MAN2B2: variants seen among roughly 807,000 people sequenced by gnomAD.
MAN2B2 encodes epididymis-specific alpha-mannosidase.
A neutral mutation model predicts 117.1 loss-of-function variants in MAN2B2; 106 were observed. That is an observed-to-expected ratio of 0.90 (90% CI 0.77 to 1.06). The LOEUF is 1.06. Ranked by LOEUF, MAN2B2 falls within the 50% of genes least tolerant of loss-of-function variation. The probability of loss-of-function intolerance (pLI) is 0.00; values close to 1 mark genes in which losing one functional copy is unlikely to be tolerated. For synonymous variants in MAN2B2, 544 were observed against 595.1 expected, an observed-to-expected ratio of 0.91 and a Z score of 1.25; for missense variants, 1,326 against 1,381.4, an observed-to-expected ratio of 0.96 and a Z score of 0.64.
chr4:6,603,128 CTTA>C (rs1560653587), intron 10 of MAN2B2, among the ~76,000 whole-genome samples: 1 of 152,182 alleles, frequency 6.6e-6, no homozygotes, highest in Non-Finnish European at 1.5e-5. Flanking sequence ...CTTCAGGAAT[CTTA>C]AAGGGGTGCT....
chr4:6,594,432 G>A, intron 6 of MAN2B2, 102 bp from the exon 7 acceptor site: 1 of 1,231,430 alleles, frequency 8.1e-7, no homozygotes, highest in African/African-American at 1.5e-5. Flanking sequence ...TGGCCGCCTT[G>A]GAGACTGGGA....
chr4:6,601,564 A>G (rs74284774), intron 10 of MAN2B2, among the ~76,000 whole-genome samples: 2 of 151,202 alleles, frequency 1.3e-5, no homozygotes, highest in African/African-American at 2.4e-5. Flanking sequence ...GGTGAGGTGG[A>G]AGCAGGGAGG....
intron 17 of MAN2B2, chr4:6,619,687 G>A: frequency 2.3e-6 from 1 of 436,424 alleles, no homozygotes; most frequent in Non-Finnish European, 4.2e-6. Context: ...CTCCAGCTCG[G>A]CCACCTGGTA....
intron 3 of MAN2B2, among the ~76,000 whole-genome samples, chr4:6,579,213 C>G (rs1373733671): frequency 1.3e-5 from 1 of 78,780 alleles, no homozygotes; most frequent in Non-Finnish European, 2.8e-5. Flanking sequence ...ATCACCATCA[C>G]CACCACCACC....
rs1177507322 is a variant in MAN2B2 at position 6,605,284 on chromosome 4, T to G, written c.1769T>G (p.Val590Gly). 6 of 1,613,892 alleles carry G rather than the reference T, an allele frequency of 3.7e-6. No individual in the cohort carries two copies. Among genetic ancestry groups the G allele is most frequent in the South Asian group, 3.3e-5 (3 of 91,082 alleles). ...LVPVANDCYIVLLDQDTNLMH... is the reference protein window; with the variant it reads ...LVPVANDCYIGLLDQDTNLMH... Reference sequence around the variant, plus strand: ...CCTGTGGCAAACGACTGCTACATTGTGCTGCTCGACCAGGATACCAACCTG... The same window carrying G: ...CCTGTGGCAAACGACTGCTACATTGGGCTGCTCGACCAGGATACCAACCTG... The change falls in exon 11 of 19, where the codon GTG (valine) becomes GGG (glycine). Residue 590 changes from valine (V) to glycine (G), a missense_variant. By Grantham distance (109) the Val-to-Gly change is moderately radical. Transcript: ENST00000285599.
intron 5 of MAN2B2, among the ~76,000 whole-genome samples, chr4:6,591,536 T>C (rs1577279428): frequency 6.6e-6 from 1 of 150,530 alleles, no homozygotes; most frequent in South Asian, 2.1e-4. Flanking sequence ...GGCAGGGAGG[T>C]GGAAACTGTT....
intron 10 of MAN2B2, among the ~76,000 whole-genome samples, chr4:6,604,457 A>G (rs932580011): frequency 4.1e-5 from 1 of 24,468 alleles, no homozygotes; most frequent in Non-Finnish European, 7.8e-5. Flanking sequence ...GAGTGGCTGG[A>G]GGATGGGGGA....
At chr4:6,608,892 TCTC>T (rs1485023410) in intron 11 of MAN2B2, among the ~76,000 whole-genome samples, 2 of 152,152 alleles carry the variant, frequency 1.3e-5, no homozygotes, top group Non-Finnish European at 2.9e-5. Context: ...GCTCTGTCCG[TCTC>T]CTCGTTTGTG....
intron 3 of MAN2B2, 85 bp downstream of exon 3, chr4:6,578,583 C>A: frequency 8.9e-7 from 1 of 1,122,408 alleles, no homozygotes; most frequent in East Asian, 2.6e-5. Flanking sequence ...AGGTTCTGAG[C>A]TCTGTCTGCC....
chr4:6,585,493 C>T (rs1185452177), intron 3 of MAN2B2, among the ~76,000 whole-genome samples: 1 of 152,150 alleles, frequency 6.6e-6, no homozygotes, highest in Non-Finnish European at 1.5e-5. Context: ...CAGCACTGAA[C>T]CCAATATCTG....
chr4:6,589,267 CTTCT>C, intron 5 of MAN2B2, 107 bp downstream of exon 5: 1 of 850,666 alleles, frequency 1.2e-6, no homozygotes, highest in Non-Finnish European at 1.9e-6. Context: ...AAGACAAGAG[CTTCT>C]GCTCTGTTGC....
chr4:6,579,135 CCACCATCACCACCACCAT>C (rs1560634507), intron 3 of MAN2B2, among the ~76,000 whole-genome samples: 15 of 45,904 alleles, frequency 3.3e-4, no homozygotes, highest in African/African-American at 1.1e-3. Flanking sequence ...ACCACCACCA[CCACCATCACCACCACCAT>C]CACCATCACC....
intron 4 of MAN2B2, among the ~76,000 whole-genome samples, chr4:6,588,320 C>T (rs1289149163): frequency 6.6e-6 from 1 of 152,190 alleles, no homozygotes; most frequent in African/African-American, 2.4e-5. Flanking sequence ...GTATCATCTT[C>T]CCTGGGTGCA....
rs774818156 is a variant in MAN2B2 at position 6,611,086 on chromosome 4, G to A, written c.2371G>A (p.Val791Ile). The A allele has an allele frequency of 5.6e-6, 9 of 1,612,958 alleles. No individual in the cohort carries two copies. In the African/African-American group the frequency reaches 8.0e-5, roughly 14 times the overall value. Residue 791 changes from valine to isoleucine, a missense_variant and splice_region_variant, in exon 15 of 19, where the codon GTC (valine) becomes ATC (isoleucine). Val to Ile is a conservative substitution (Grantham distance 29, BLOSUM62 3). Transcript: ENST00000285599. ...ISSQGNGQVEVMLHRRLWNNF... is the reference protein window; with the variant it reads ...ISSQGNGQVEIMLHRRLWNNF... ...CCTCTCGGACAATGCCTTCCCGCAGGTCATGCTCCACCGGCGGCTGTGGAA... is the reference window on the plus strand; with the variant it reads ...CCTCTCGGACAATGCCTTCCCGCAGATCATGCTCCACCGGCGGCTGTGGAA...
Position 6,609,874 on chromosome 4 carries a change from C to T in MAN2B2, c.2083C>T (p.Leu695=), listed in dbSNP as rs1432746603. The change falls in exon 13 of 19, where the codon CTG becomes TTG. Residue 695 remains leucine, a synonymous_variant. Coordinates refer to ENST00000285599, the MANE Select transcript of MAN2B2 (RefSeq NM_015274.3). ...TGTGCCGCAGGGCCATGACGGGGAG[C>T]TGCTCTGCCACCGGATAGAGCAGGA... The part of the protein sequence containing the change: ...THVPQGHDGE[L]LCHRIEQEYQ... 1 of 1,614,036 alleles carries T rather than the reference C, an allele frequency of 6.2e-7. No homozygotes were observed. The highest frequency in any genetic ancestry group is 2.2e-5 in the East Asian group (1 of 44,896).
intron 6 of MAN2B2, 149 bp downstream of exon 6, chr4:6,593,499 CT>C: frequency 1.3e-6 from 1 of 768,728 alleles, no homozygotes; most frequent in Non-Finnish European, 1.9e-6. Context: ...CTGCAGACCC[CT>C]GGGCCTCTCC....
At chr4:6,577,796 A>T (rs1452137617) in intron 2 of MAN2B2, among the ~76,000 whole-genome samples, 1 of 152,236 alleles carries the variant, frequency 6.6e-6, no homozygotes, top group East Asian at 1.9e-4. Context: ...TGGACAGGAA[A>T]CTTGTGGCAG....
At chr4:6,593,562 C>G (rs560317732) in intron 6 of MAN2B2, among the ~76,000 whole-genome samples, 2 of 152,238 alleles carry the variant, frequency 1.3e-5, no homozygotes, top group African/African-American at 4.8e-5. Flanking sequence ...CCACGCTGGC[C>G]TCTCCAGCTC....
At chr4:6,579,284 C>G (rs1726292195) in intron 3 of MAN2B2, among the ~76,000 whole-genome samples, 1 of 91,850 alleles carries the variant, frequency 1.1e-5, no homozygotes, top group Non-Finnish European at 2.3e-5. Context: ...CCACCACCAT[C>G]ACCATCACCA....
Sources: allele counts gnomAD v4.1 joint callset (sites outside exome capture counted in the v4.1 genomes callset), GRCh38; gene constraint gnomAD v4.1.1; transcripts MANE v1.5; gene names NCBI Gene and HGNC (gene_info 2026-07-23, HGNC 2026-07-21).